RHOQ: variants seen among roughly 807,000 people sequenced by gnomAD.
RHOQ encodes the protein rho-related GTP-binding protein RhoQ.
In RHOQ, 7 loss-of-function variants were observed where a neutral mutation model predicts 25.8. That is an observed-to-expected ratio of 0.27 (90% confidence interval 0.15 to 0.51). The LOEUF (loss-of-function observed/expected upper bound fraction) is 0.51, where lower values mean the gene tolerates loss of function less well. RHOQ is among the 20% of genes least tolerant of loss of function. The pLI, the probability that RHOQ is intolerant of heterozygous loss-of-function variation, is 0.97. For synonymous variants in RHOQ, 97 were observed against 98.6 expected (o/e 0.98, Z 0.10); for missense variants, 165 against 260.6 (o/e 0.63, Z 2.53).
At position 46,572,109 on chromosome 2, in the gene RHOQ, T is replaced by TTTTG. The variant is rs1553422136; in HGVS notation, c.202-3975_202-3974insGTTT. ...TTCTTATCAGGTGGTAAGTGTGTGT[T>TTTTG]TTTTTTTTTTTTTTTTTTTTTTTTT... On this transcript the variant is annotated intron_variant, in intron 2 of 4. Transcript: ENST00000238738. Among the ~76,000 whole-genome samples, 4 of 75,824 alleles carry TTTTG rather than the reference T, an allele frequency of 5.3e-5. 1 individual carries two copies. Among genetic ancestry groups the TTTTG allele is most frequent in the African/African-American group, 1.6e-4 (4 of 24,318 alleles). 49.7% of individuals were successfully genotyped at this position (75,824 alleles called of 152,430 possible). A position where few individuals can be genotyped will look rare whatever the true frequency, so the allele number is the denominator to read the frequency against.
intron 2 of RHOQ, among the ~76,000 whole-genome samples, chr2:46,554,832 T>G (rs1195500688): frequency 6.7e-6 from 1 of 150,152 alleles, no homozygotes; most frequent in African/African-American, 2.5e-5. Flanking sequence ...AGAAAACCCA[T>G]CCTCTTTCAA....
At chr2:46,546,981 T>C (rs1421331855) in intron 2 of RHOQ, among the ~76,000 whole-genome samples, 1 of 152,170 alleles carries the variant, frequency 6.6e-6, no homozygotes. Flanking sequence ...AGCCCAGTGC[T>C]CCCTGCCGTA....
chr2:46,542,913 A>T lies in RHOQ; in HGVS notation c.-134A>T. ...CCCCTCCTGCGAGGGGAGCCGCTGC[A>T]TGGGGCCGGGGGGGCGGCCCTGCGG... is the stretch of plus-strand genomic sequence containing the variant. On this transcript the variant is annotated 5_prime_UTR_variant, in exon 1 of 5. An upstream start codon of the reference 5' UTR is lost. Transcript: ENST00000238738. 1 of 314,908 alleles carries T rather than the reference A, an allele frequency of 3.2e-6. No homozygotes were observed. Among genetic ancestry groups the T allele is most frequent in the Non-Finnish European group, 4.6e-6 (1 of 218,852 alleles). The allele number at this position is 314,908 out of a possible 1,614,324, so 19.5% of individuals were successfully genotyped here. A position where few individuals can be genotyped will look rare whatever the true frequency, so the allele number is the denominator to read the frequency against.
In RHOQ at chr2:46,582,727, C is replaced by G. The variant is rs1572763766; in HGVS notation, c.*1644C>G. The G allele has an allele frequency of 6.6e-6, 1 of 152,574 alleles. No homozygotes were observed. The highest frequency in any genetic ancestry group is 2.4e-5 in the African/African-American group (1 of 41,430). The allele number at this position is 152,574 out of a possible 1,614,324, so 9.5% of individuals were successfully genotyped here. On this transcript the variant is annotated 3_prime_UTR_variant, in exon 5 of 5. Transcript: ENST00000238738. The stretch of plus-strand genomic sequence containing the variant: ...GGTAATGGAACACTAAACTTTTATA[C>G]TTGAAAATGACAGCCTTAAATGCTC...
At chr2:46,579,057 C>A (rs1024249381) in intron 4 of RHOQ, among the ~76,000 whole-genome samples, 2 of 152,158 alleles carry the variant, frequency 1.3e-5, no homozygotes, top group Non-Finnish European at 2.9e-5. Context: ...CAAAAATTCC[C>A]TGCATCTATT....
intron 2 of RHOQ, among the ~76,000 whole-genome samples, chr2:46,549,163 C>T (rs188194341): frequency 7.9e-5 from 12 of 152,268 alleles, no homozygotes; most frequent in Admixed American, 6.5e-4. Flanking sequence ...ACGCTTTGAA[C>T]GACAGCTTCC....
intron 2 of RHOQ, among the ~76,000 whole-genome samples, chr2:46,546,023 T>C (rs1051089985): frequency 1.3e-5 from 2 of 152,166 alleles, no homozygotes; most frequent in African/African-American, 4.8e-5. Flanking sequence ...TTAGGCCCCA[T>C]TGGTGTTTTT....
intron 2 of RHOQ, chr2:46,560,788 G>C (rs1266306840): frequency 1.5e-5 from 4 of 272,620 alleles, no homozygotes; most frequent in Non-Finnish European, 7.7e-6. Flanking sequence ...ATATTTTTCA[G>C]ATAGGCCAAA....
chr2:46,546,289 G>GA (rs1366689974), intron 2 of RHOQ, among the ~76,000 whole-genome samples: 2 of 151,402 alleles, frequency 1.3e-5, no homozygotes, highest in African/African-American at 4.9e-5. Flanking sequence ...TGTTACATAG[G>GA]AGATCTCTAC....
intron 2 of RHOQ, among the ~76,000 whole-genome samples, chr2:46,567,707 A>G (rs1049785359): frequency 1.3e-5 from 2 of 152,092 alleles, no homozygotes; most frequent in Non-Finnish European, 2.9e-5. Context: ...TGATGTTTCA[A>G]ACAAAATAAA....
intron 2 of RHOQ, among the ~76,000 whole-genome samples, chr2:46,574,825 G>A (rs1239649420): frequency 5.3e-5 from 8 of 152,154 alleles, no homozygotes; most frequent in Non-Finnish European, 1.2e-4. Flanking sequence ...ATTGTTCCAT[G>A]AGGGAAATAC....
chr2:46,545,619 T>C (rs1008886065), intron 2 of RHOQ, among the ~76,000 whole-genome samples: 1 of 152,142 alleles, frequency 6.6e-6, no homozygotes, highest in African/African-American at 2.4e-5. Flanking sequence ...TTGCCTGAGG[T>C]CACACAGCTA....
intron 2 of RHOQ, among the ~76,000 whole-genome samples, chr2:46,544,397 G>A (rs1453687493): frequency 6.6e-6 from 1 of 152,234 alleles, no homozygotes; most frequent in East Asian, 1.9e-4. Flanking sequence ...GGGGTGGGGA[G>A]GAAGGGTTAG....
Position 46,555,501 on chromosome 2 carries a change from A to G in RHOQ, c.201+11689A>G, listed in dbSNP as rs1204316511. Among the ~76,000 whole-genome samples, 6 of 152,326 alleles carry G rather than the reference A, an allele frequency of 3.9e-5. No individual in the cohort carries two copies. Among genetic ancestry groups the G allele is most frequent in the African/African-American group, 7.2e-5 (3 of 41,574 alleles). On this transcript the variant is annotated intron_variant, in intron 2 of 4. Transcript: ENST00000238738. This position sits in a 1 kb window ranked among gnomAD's most constrained non-coding sequence, Gnocchi z 4.3. ...ATATCATATCCATATTGGCTTTCCT[A>G]TCAGCTCATTTGAGAGGAAATTCTG...
Position 46,581,717 on chromosome 2 carries a change from A to G in RHOQ, c.*634A>G. The G allele has an allele frequency of 1.5e-6, 2 of 1,371,386 alleles. No homozygotes were observed. The highest frequency in any genetic ancestry group is 1.4e-5 in the South Asian group (1 of 70,336). The allele number at this position is 1,371,386 out of a possible 1,614,324, so 85.0% of individuals were successfully genotyped here. On this transcript the variant is annotated 3_prime_UTR_variant, in exon 5 of 5. Coordinates refer to ENST00000238738, the MANE Select transcript of RHOQ (RefSeq NM_012249.4). The stretch of plus-strand genomic sequence containing the variant: ...TCTTAAAGAATGCCAAAAGTGTAAT[A>G]AGGTCATAACTGCATTTATCATGAA...
At chr2:46,575,446 T>C (rs1021578388) in intron 2 of RHOQ, among the ~76,000 whole-genome samples, 7 of 113,902 alleles carry the variant, frequency 6.1e-5, no homozygotes, top group South Asian at 2.9e-4. Context: ...CACACACAAT[T>C]AATAAAACTA....
intron 4 of RHOQ, chr2:46,577,204 G>A (rs941080658): frequency 6.6e-6 from 1 of 152,146 alleles, no homozygotes; most frequent in African/African-American, 2.4e-5. Flanking sequence ...AAAGAGGATA[G>A]AAAATACAAA....
chr2:46,576,377 T>C lies in RHOQ; in HGVS notation c.366+126T>C, dbSNP rs1669128541. On this transcript the variant is annotated intron_variant, in intron 3 of 4. Transcript: ENST00000238738. The surrounding 1 kb of genome is among the most constrained non-coding windows in gnomAD (Gnocchi z 5.1). ...GTGTTTAATCTCAGCTGCAAGTTAA[T>C]GAGTTCTATCATATTTTTGGAAAAA... The C allele has an allele frequency of 1.0e-6, 1 of 973,268 alleles. No homozygotes were observed. The allele number at this position is 973,268 out of a possible 1,614,324, so 60.3% of individuals were successfully genotyped here. A position where few individuals can be genotyped will look rare whatever the true frequency, so the allele number is the denominator to read the frequency against.
intron 2 of RHOQ, among the ~76,000 whole-genome samples, chr2:46,572,185 C>T (rs983672008): frequency 2.9e-5 from 4 of 138,174 alleles, no homozygotes; most frequent in Non-Finnish European, 6.0e-5. Context: ...TCACTGCAGG[C>T]CCAACCTCTT....
Sources: allele counts gnomAD v4.1 joint callset (sites outside exome capture counted in the v4.1 genomes callset), GRCh38; gene constraint gnomAD v4.1.1; non-coding constraint Gnocchi (gnomAD v3.1); transcripts MANE v1.5; gene names NCBI Gene and HGNC (gene_info 2026-07-23, HGNC 2026-07-21).